Variants in DIS3L2 observed in about 807,000 individuals in gnomAD.
DIS3L2 encodes the protein DIS3 like 3'-5' exoribonuclease 2.
Under a neutral mutation model 97.5 loss-of-function variants are expected in DIS3L2, and 34 were observed. That is an observed-to-expected ratio of 0.35 (90% CI 0.27 to 0.46). The LOEUF (loss-of-function observed/expected upper bound fraction) is 0.46, where lower values mean the gene tolerates loss of function less well. Among genes scored for constraint, DIS3L2 ranks in the 20% least tolerant of loss-of-function variants. DIS3L2 has a pLI of 1.00. For synonymous variants in DIS3L2, 435 were observed against 445.2 expected, an observed-to-expected ratio of 0.98 and a Z score of 0.29; for missense variants, 1,038 against 1,146.0, an observed-to-expected ratio of 0.91 and a Z score of 1.36.
chr2:232,035,550 G>C (rs950251482), intron 5 of DIS3L2, among the ~76,000 whole-genome samples: 19 of 152,270 alleles, frequency 1.2e-4, no homozygotes, highest in African/African-American at 4.3e-4. Context: ...TACGATGCTA[G>C]CTGGTTATTT....
intron 1 of DIS3L2, among the ~76,000 whole-genome samples, chr2:231,964,902 A>G (rs747084654): frequency 3.3e-5 from 5 of 152,354 alleles, no homozygotes; most frequent in Middle Eastern, 6.8e-3. Context: ...ATTTGTCTCT[A>G]AAGTACAGAT....
Position 232,188,157 on chromosome 2 carries a change from G to A in DIS3L2, c.1125-22169G>A, listed in dbSNP as rs116731025. Among the ~76,000 whole-genome samples the A allele has an allele frequency of 9.0e-3, 1,376 of 152,214 alleles. 18 individuals are homozygous for A. Among genetic ancestry groups the A allele is most frequent in the African/African-American group, 0.031 (1,291 of 41,526 alleles). On this transcript the variant is annotated intron_variant, in intron 9 of 20. Coordinates refer to ENST00000325385, the MANE Select transcript of DIS3L2 (RefSeq NM_152383.5). ...TCTGTCTCAAAAAAAAGTGGAGGGGGAGGGAGGGAAACAACCCAATCAACT... is the reference window on the plus strand; with the variant it reads ...TCTGTCTCAAAAAAAAGTGGAGGGGAAGGGAGGGAAACAACCCAATCAACT...
At chr2:232,238,456 A>G in intron 10 of DIS3L2, 77 bp from the exon 11 acceptor site, 1 of 1,239,950 alleles carries the variant, frequency 8.1e-7, no homozygotes, top group Non-Finnish European at 1.2e-6. Flanking sequence ...AGTGACATAC[A>G]TTCTAGGAAA....
intron 14 of DIS3L2, among the ~76,000 whole-genome samples, chr2:232,311,735 C>A (rs1695140463): frequency 6.6e-6 from 1 of 152,072 alleles, no homozygotes; most frequent in South Asian, 2.1e-4. Context: ...TCTTTTGTGC[C>A]CAGCTTTTCT....
intron 6 of DIS3L2, among the ~76,000 whole-genome samples, chr2:232,095,885 G>A (rs1696991778): frequency 6.6e-6 from 1 of 151,762 alleles, no homozygotes; most frequent in Non-Finnish European, 1.5e-5. Context: ...AACATATTAT[G>A]CCACTGTAAA....
At chr2:232,015,736 G>T in intron 3 of DIS3L2, 65 bp downstream of exon 3, 1 of 1,574,384 alleles carries the variant, frequency 6.4e-7, no homozygotes. Flanking sequence ...CTATTAAACT[G>T]TTTCCTGTTC....
intron 1 of DIS3L2, among the ~76,000 whole-genome samples, chr2:231,980,671 CT>C (rs1693225925): frequency 6.6e-6 from 1 of 151,910 alleles, no homozygotes; most frequent in Admixed American, 6.6e-5. Context: ...GCACTCCAAC[CT>C]GGGTGACAGA....
intron 1 of DIS3L2, among the ~76,000 whole-genome samples, chr2:231,964,491 T>G (rs1303841976): frequency 1.3e-5 from 2 of 152,216 alleles, no homozygotes; most frequent in African/African-American, 4.8e-5. Context: ...ACTATGGCAC[T>G]GGAAAACCTC....
At chr2:232,016,604 G>T (rs1014548444) in intron 3 of DIS3L2, among the ~76,000 whole-genome samples, 1 of 152,062 alleles carries the variant, frequency 6.6e-6, no homozygotes, top group African/African-American at 2.4e-5. Flanking sequence ...AGGCAGTGGC[G>T]CTAACGAAAA....
At chr2:232,264,777 C>T (rs1182392334) in intron 13 of DIS3L2, among the ~76,000 whole-genome samples, 1 of 152,234 alleles carries the variant, frequency 6.6e-6, no homozygotes, top group African/African-American at 2.4e-5. Flanking sequence ...TGCTTCTAAG[C>T]AGGCATTGCA....
At chr2:232,297,793 G>C (rs2017025) in intron 13 of DIS3L2, among the ~76,000 whole-genome samples, 31,445 of 146,044 alleles carry the variant, frequency 0.22, 4,632 homozygotes, top group East Asian at 0.51. Context: ...ACCTCCACCC[G>C]CCAGGTTCAA....
intron 6 of DIS3L2, among the ~76,000 whole-genome samples, chr2:232,118,836 A>T (rs1230325821): frequency 6.6e-6 from 1 of 152,214 alleles, no homozygotes; most frequent in Non-Finnish European, 1.5e-5. Context: ...ATTTTCCATC[A>T]AAGATGCATC....
chr2:232,336,709 G>A lies in DIS3L2; in HGVS notation c.*79G>A, dbSNP rs565011661. Reference sequence around the variant, plus strand: ...CTTTAGGACCTGTTGACACGGAGGGGGGTTTTTAATTTGGTTTTTAACAAC... The same window carrying A: ...CTTTAGGACCTGTTGACACGGAGGGAGGTTTTTAATTTGGTTTTTAACAAC... On this transcript the variant is annotated 3_prime_UTR_variant, in exon 21 of 21. Transcript: ENST00000325385. The A allele has an allele frequency of 8.6e-6, 13 of 1,517,650 alleles. No homozygotes were observed. Among genetic ancestry groups the A allele is most frequent in the Admixed American group, 2.5e-5 (1 of 40,092 alleles). 94.0% of individuals were successfully genotyped at this position (1,517,650 alleles called of 1,614,324 possible).
At chr2:232,069,253 C>G (rs576001819) in intron 5 of DIS3L2, among the ~76,000 whole-genome samples, 1 of 152,228 alleles carries the variant, frequency 6.6e-6, no homozygotes, top group South Asian at 2.1e-4. Context: ...AGTTGTTTAA[C>G]CTTTACAGGT....
intron 11 of DIS3L2, among the ~76,000 whole-genome samples, chr2:232,240,887 A>T (rs1028513261): frequency 1.3e-5 from 2 of 152,206 alleles, no homozygotes; most frequent in Non-Finnish European, 2.9e-5. Flanking sequence ...AAAATGAAAA[A>T]ATCAAATTGG....
chr2:231,987,917 G>A (rs775728059), intron 1 of DIS3L2, among the ~76,000 whole-genome samples: 1 of 151,940 alleles, frequency 6.6e-6, no homozygotes, highest in Non-Finnish European at 1.5e-5. Context: ...TCTGCTCACT[G>A]TGCGCGACCT....
At position 232,268,957 on chromosome 2, in the gene DIS3L2, A is replaced by C. The variant is rs1017965546; in HGVS notation, c.1659+5517A>C. On this transcript the variant is annotated intron_variant, in intron 13 of 20. Transcript: ENST00000325385. This position sits in a 1 kb window ranked among gnomAD's most constrained non-coding sequence, Gnocchi z 4.1. ...GAGGTGGGGAGTAGAGGAATGAATC[A>C]GTTTAGCATCAGTTCCCTTATTCCA... 6.6e-6 allele frequency among the ~76,000 whole-genome samples: 1 copy of C among 152,246 alleles called. No homozygotes were observed. Among genetic ancestry groups the C allele is most frequent in the East Asian group, 1.9e-4 (1 of 5,200 alleles).
At chr2:232,080,422 A>G (rs1696352967) in intron 5 of DIS3L2, among the ~76,000 whole-genome samples, 1 of 152,228 alleles carries the variant, frequency 6.6e-6, no homozygotes, top group African/African-American at 2.4e-5. Context: ...AAAAGACTGC[A>G]TGAAATCACC....
intron 5 of DIS3L2, among the ~76,000 whole-genome samples, chr2:232,051,669 G>A (rs1466029619): frequency 2.0e-5 from 3 of 150,788 alleles, no homozygotes; most frequent in East Asian, 2.0e-4. Flanking sequence ...AAAATTAGCC[G>A]GGCGTAGTGG....
Sources: allele counts gnomAD v4.1 joint callset (sites outside exome capture counted in the v4.1 genomes callset), GRCh38; gene constraint gnomAD v4.1.1; non-coding constraint Gnocchi (gnomAD v3.1); transcripts MANE v1.5; gene names NCBI Gene and HGNC (gene_info 2026-07-23, HGNC 2026-07-21).